EXOC4: variants seen among roughly 807,000 people sequenced by gnomAD.
EXOC4 encodes the protein SEC8-like 1.
In EXOC4, 71 loss-of-function variants were observed where a neutral mutation model predicts 107.2. That is an observed-to-expected ratio of 0.66 (90% CI 0.55 to 0.81). The LOEUF is 0.81. Among genes scored for constraint, EXOC4 ranks in the 30% least tolerant of loss-of-function variants. EXOC4 has a pLI of 0.00. For synonymous variants in EXOC4, 456 were observed against 441.2 expected, an observed-to-expected ratio of 1.03 and a Z score of -0.42; for missense variants, 1,108 against 1,189.6, an observed-to-expected ratio of 0.93 and a Z score of 1.01.
chr7:133,950,165 A>G (rs1800657357), intron 14 of EXOC4, among the ~76,000 whole-genome samples: 1 of 152,202 alleles, frequency 6.6e-6, no homozygotes, highest in Non-Finnish European at 1.5e-5. Context: ...CTATTATATT[A>G]TAGAACCTCC....
chr7:133,595,163 G>A (rs145108145), intron 9 of EXOC4, among the ~76,000 whole-genome samples: 238 of 152,258 alleles, frequency 1.6e-3, no homozygotes, highest in African/African-American at 5.5e-3. Context: ...GAAAGGAAGA[G>A]AAGGAGGATG....
intron 17 of EXOC4, among the ~76,000 whole-genome samples, chr7:134,061,951 A>G (rs1023862948): frequency 1.1e-4 from 17 of 152,228 alleles, no homozygotes; most frequent in African/African-American, 4.1e-4. Context: ...TGAAACTTCA[A>G]AAGATTTACT....
chr7:133,257,366 GCACA>G lies in EXOC4; in HGVS notation c.86+4195_86+4198del, dbSNP rs35107499. ...TACAATTTGGATGGTTTACACACAC[GCACA>G]CACACACACACACACGTGCACACAC... On this transcript the variant is annotated intron_variant, in intron 1 of 17. Transcript: ENST00000253861. 9.7e-3 allele frequency among the ~76,000 whole-genome samples: 1,458 copies of G among 149,884 alleles called. 24 individuals are homozygous for G. Among genetic ancestry groups the G allele is most frequent in the African/African-American group, 0.033 (1,345 of 41,060 alleles).
At chr7:133,573,249 A>G (rs1344857989) in intron 9 of EXOC4, among the ~76,000 whole-genome samples, 2 of 152,212 alleles carry the variant, frequency 1.3e-5, no homozygotes, top group South Asian at 2.1e-4. Context: ...GATGGAAGCA[A>G]CCGCATTTTT....
At chr7:133,815,011 C>G (rs554997370) in intron 10 of EXOC4, among the ~76,000 whole-genome samples, 1 of 152,142 alleles carries the variant, frequency 6.6e-6, no homozygotes, top group South Asian at 2.1e-4. Context: ...TCTTCCTTTC[C>G]ATAGCATTGT....
chr7:133,946,435 A>T (rs1800551868), intron 14 of EXOC4, among the ~76,000 whole-genome samples: 3 of 152,394 alleles, frequency 2.0e-5, no homozygotes, highest in Non-Finnish European at 4.4e-5. Context: ...TCTTTTAAAA[A>T]TAATGTCCAA....
chr7:133,562,432 G>A (rs922562486), intron 9 of EXOC4, among the ~76,000 whole-genome samples: 4 of 152,024 alleles, frequency 2.6e-5, no homozygotes, highest in East Asian at 2.0e-4. Flanking sequence ...TTTTGCTTCC[G>A]GTTAGTGTGG....
In EXOC4 at chr7:133,475,210, T is replaced by TTAA. The variant is rs577078177; in HGVS notation, c.1183-115_1183-113dup. ...CCAACTTGGAAAATGAATGACCAGG[T>TTAA]TAATATACTCCTGAATGTTGGTTTT... On this transcript the variant is annotated intron_variant, in intron 7 of 17. Transcript: ENST00000253861. 100 of 822,744 alleles carry TTAA rather than the reference T, an allele frequency of 1.2e-4. 3 individuals are homozygous for TTAA. The highest frequency in any genetic ancestry group is 1.2e-3 in the East Asian group (45 of 37,302). 51.0% of individuals were successfully genotyped at this position (822,744 alleles called of 1,614,324 possible). A position where few individuals can be genotyped will look rare whatever the true frequency, so the allele number is the denominator to read the frequency against.
intron 14 of EXOC4, among the ~76,000 whole-genome samples, chr7:133,972,131 T>C (rs532172340): frequency 5.9e-4 from 90 of 152,376 alleles, no homozygotes; most frequent in African/African-American, 2.1e-3. Context: ...TCTTTACTCC[T>C]GTTTTACAGA....
chr7:133,411,125 GC>G (rs897870133), intron 7 of EXOC4, among the ~76,000 whole-genome samples: 5 of 152,018 alleles, frequency 3.3e-5, no homozygotes, highest in African/African-American at 9.7e-5. Context: ...CTTAACTTTG[GC>G]CGCTTTTTTA....
chr7:133,289,955 A>G (rs1794366221), intron 3 of EXOC4, among the ~76,000 whole-genome samples: 1 of 152,202 alleles, frequency 6.6e-6, no homozygotes, highest in South Asian at 2.1e-4. Context: ...TGTTTCACCA[A>G]ATTAGATTGG....
intron 10 of EXOC4, among the ~76,000 whole-genome samples, chr7:133,782,796 A>G (rs1470785764): frequency 6.6e-6 from 1 of 152,164 alleles, no homozygotes; most frequent in Non-Finnish European, 1.5e-5. Context: ...GGGGCACAAT[A>G]GCAAAGGCGA....
At chr7:134,053,388 C>T (rs1269956744) in intron 17 of EXOC4, among the ~76,000 whole-genome samples, 1 of 151,932 alleles carries the variant, frequency 6.6e-6, no homozygotes, top group Non-Finnish European at 1.5e-5. Flanking sequence ...TTGGAACAAC[C>T]CTATGTTACT....
chr7:133,376,068 C>T (rs1796483854), intron 7 of EXOC4, among the ~76,000 whole-genome samples: 1 of 151,828 alleles, frequency 6.6e-6, no homozygotes, highest in Non-Finnish European at 1.5e-5. Flanking sequence ...AAATAAGAGT[C>T]TTTGCAGAAA....
At chr7:134,045,658 A>G (rs1795633300) in intron 17 of EXOC4, among the ~76,000 whole-genome samples, 1 of 152,218 alleles carries the variant, frequency 6.6e-6, no homozygotes, top group Non-Finnish European at 1.5e-5. Context: ...CTTTTAACGT[A>G]TGCAATTCAT....
chr7:133,987,805 T>G (rs1229840759), intron 14 of EXOC4, among the ~76,000 whole-genome samples: 1 of 152,198 alleles, frequency 6.6e-6, no homozygotes, highest in Non-Finnish European at 1.5e-5. Flanking sequence ...TGTAACAATT[T>G]TAGATAATAT....
At chr7:134,045,562 T>G (rs1273577065) in intron 17 of EXOC4, among the ~76,000 whole-genome samples, 1 of 152,240 alleles carries the variant, frequency 6.6e-6, no homozygotes, top group Admixed American at 6.5e-5. Context: ...TTCTGTATAG[T>G]TAAGAAGTCA....
rs1024076662 is a variant in EXOC4, at chr7:133,570,632, G to A, written c.1418-59413G>A. On this transcript the variant is annotated intron_variant, in intron 9 of 17. Coordinates refer to ENST00000253861, the MANE Select transcript of EXOC4 (RefSeq NM_021807.4). ...TTGAGAAGGCTAGACCATGTCATGCGTGAAACTGAAATACATAGAAGTTAA... is the reference window on the plus strand; with the variant it reads ...TTGAGAAGGCTAGACCATGTCATGCATGAAACTGAAATACATAGAAGTTAA... Among the ~76,000 whole-genome samples, 10 of 152,282 alleles carry A rather than the reference G, an allele frequency of 6.6e-5. 1 individual carries two copies. The highest frequency in any genetic ancestry group is 4.1e-4 in the South Asian group (2 of 4,830).
intron 11 of EXOC4, among the ~76,000 whole-genome samples, chr7:133,852,987 G>C (rs1316286913): frequency 6.6e-6 from 1 of 152,118 alleles, no homozygotes; most frequent in African/African-American, 2.4e-5. Flanking sequence ...TGAAGGCCTG[G>C]CAGAATCTGA....
Sources: gnomAD v4.1 joint callset for allele counts (sites outside exome capture counted in the v4.1 genomes callset) on GRCh38, gnomAD v4.1.1 for gene constraint, MANE v1.5 for transcripts, NCBI Gene and HGNC (gene_info 2026-07-23, HGNC 2026-07-21) for gene names.